Variants in DNAH14 observed in about 807,000 individuals in gnomAD.
DNAH14 encodes dynein axonemal heavy chain 14, also known as axonemal beta dynein heavy chain 14.
A neutral mutation model predicts 520.9 loss-of-function variants in DNAH14; 478 were observed. The ratio of observed to expected loss-of-function variants is 0.92; its 90% CI spans 0.85 to 0.99. The LOEUF (loss-of-function observed/expected upper bound fraction) is 0.99, where lower values mean the gene tolerates loss of function less well. Among genes scored for constraint, DNAH14 ranks in the 50% least tolerant of loss-of-function variants. The pLI is 0.00. For synonymous variants in DNAH14, 1,581 were observed against 1,757.2 expected (o/e 0.90, Z 2.51); for missense variants, 4,831 against 5,234.5 (o/e 0.92, Z 2.38).
At chr1:225,309,972 C>G in intron 60 of DNAH14, among the ~76,000 whole-genome samples, 2 of 151,530 alleles carry the variant, frequency 1.3e-5, no homozygotes, top group African/African-American at 2.4e-5. Context: ...CACATGTATA[C>G]ATATGTAACT....
intron 37 of DNAH14, among the ~76,000 whole-genome samples, chr1:225,185,794 A>G (rs2084630448): frequency 6.6e-6 from 1 of 151,598 alleles, no homozygotes; most frequent in Non-Finnish European, 1.5e-5. Flanking sequence ...ATTAATTTCC[A>G]AGTTAACATT....
chr1:225,294,609 T>TCAAAACCTTGAA (rs1332233401), intron 55 of DNAH14, among the ~76,000 whole-genome samples: 1 of 152,012 alleles, frequency 6.6e-6, no homozygotes, highest in Non-Finnish European at 1.5e-5. Flanking sequence ...TCACCTGAGG[T>TCAAAACCTTGAA]CAAAAGTTCA....
At chr1:225,007,615 TCC>T in intron 10 of DNAH14, 71 bp downstream of exon 10, 1 of 1,277,310 alleles carries the variant, frequency 7.8e-7, no homozygotes, top group Non-Finnish European at 1.0e-6. Flanking sequence ...CCAAATTGCA[TCC>T]CTGGAAAAAG....
intron 10 of DNAH14, among the ~76,000 whole-genome samples, chr1:225,016,444 G>A (rs1256242734): frequency 6.6e-6 from 1 of 152,076 alleles, no homozygotes; most frequent in African/African-American, 2.4e-5. Context: ...TCCCTTATAT[G>A]TGACTTGACA....
At chr1:225,015,890 T>C (rs555260021) in intron 10 of DNAH14, among the ~76,000 whole-genome samples, 1 of 151,924 alleles carries the variant, frequency 6.6e-6, no homozygotes, top group South Asian at 2.1e-4. Flanking sequence ...AACACCAGAG[T>C]GGGAAGCAAC....
At position 225,374,812 on chromosome 1, in the gene DNAH14, G is replaced by T; in HGVS notation, c.12443G>T (p.Cys4148Phe). ...GRVIDNWDKR[C>F]LKTLLYKFCN... is the part of the protein sequence containing the mutation. ...GTGATTGATAATTGGGACAAGCGATGCTTGAAGACCCTACTCTACAAATTT... is the reference window on the plus strand; with the variant it reads ...GTGATTGATAATTGGGACAAGCGATTCTTGAAGACCCTACTCTACAAATTT... Residue 4148 changes from cysteine to phenylalanine, a missense_variant, in exon 78 of 86, where the codon TGC (cysteine) becomes TTC (phenylalanine). Transcript: ENST00000682510. 6.4e-7 allele frequency: 1 copy of T among 1,551,626 alleles called. No individual in the cohort carries two copies. Among genetic ancestry groups the T allele is most frequent in the South Asian group, 1.2e-5 (1 of 84,048 alleles).
At chr1:225,002,558 C>G (rs2063844131) in intron 8 of DNAH14, among the ~76,000 whole-genome samples, 1 of 151,962 alleles carries the variant, frequency 6.6e-6, no homozygotes, top group Non-Finnish European at 1.5e-5. Flanking sequence ...CTTGTTTCCC[C>G]CTCCTATTTT....
intron 1 of DNAH14, among the ~76,000 whole-genome samples, chr1:224,942,963 C>G (rs1275161611): frequency 6.6e-6 from 1 of 152,038 alleles, no homozygotes; most frequent in Non-Finnish European, 1.5e-5. Context: ...GTCTGAAATT[C>G]TCTTTTTTTG....
At position 225,043,905 on chromosome 1, in the gene DNAH14, A is replaced by C; in HGVS notation, c.1834A>C (p.Asn612His). ...TGTTAGATTTCCAGAATTTCCTACA[A>C]ATCTCTTTATAGATCCCAACAGATT... is the stretch of plus-strand genomic sequence containing the variant. The part of the protein sequence containing the change: ...MYYEFPEFPT[N>H]LFIDPNRLEF... Residue 612 changes from asparagine to histidine, a missense_variant, in exon 15 of 86, where the codon AAT becomes CAT. Physicochemically the swap from Asn to His is moderately conservative, Grantham distance 68. Transcript: ENST00000682510. 6.5e-7 allele frequency: 1 copy of C among 1,528,134 alleles called. No homozygotes were observed. The highest frequency in any genetic ancestry group is 8.8e-7 in the Non-Finnish European group (1 of 1,130,320). The allele number at this position is 1,528,134 out of a possible 1,614,324, so 94.7% of individuals were successfully genotyped here.
intron 21 of DNAH14, among the ~76,000 whole-genome samples, chr1:225,096,692 A>G (rs1259070567): frequency 1.3e-5 from 2 of 152,210 alleles, no homozygotes; most frequent in African/African-American, 4.8e-5. Flanking sequence ...TTGTATTTAT[A>G]TTTATGTAAT....
rs554676809 is a variant in DNAH14, at chr1:225,185,142, C to T, written c.5536-149C>T. On this transcript the variant is annotated intron_variant, in intron 36 of 85. Transcript: ENST00000682510. ...AAAAAATCAGTAGCATTTCTATACA[C>T]CAATAACATTCATGCTGAGAGCCAA... 62 of 815,418 alleles carry T rather than the reference C, an allele frequency of 7.6e-5. No individual in the cohort carries two copies. The African/African-American group carries it at 1.0e-3, about 14-fold the overall frequency. The allele number at this position is 815,418 out of a possible 1,614,324, so 50.5% of individuals were successfully genotyped here.
rs114454650 is a variant in DNAH14, at chr1:225,040,778, T to C, written c.1488+1955T>C. On this transcript the variant is annotated intron_variant, in intron 12 of 85. Transcript: ENST00000682510. Reference sequence around the variant, plus strand: ...AAAGCATATGTTATTTTCAACTGTATTGAGTAATATAAAATTGTTTTTCTA... The same window carrying C: ...AAAGCATATGTTATTTTCAACTGTACTGAGTAATATAAAATTGTTTTTCTA... Among the ~76,000 whole-genome samples, 688 of 152,386 alleles carry C rather than the reference T, an allele frequency of 4.5e-3. 4 individuals are homozygous for C. Among genetic ancestry groups the C allele is most frequent in the Non-Finnish European group, 8.0e-3 (545 of 68,042 alleles).
At chr1:225,151,057 C>T (rs943207961) in intron 31 of DNAH14, among the ~76,000 whole-genome samples, 3 of 152,080 alleles carry the variant, frequency 2.0e-5, no homozygotes, top group Non-Finnish European at 2.9e-5. Context: ...CTGAAGAGCC[C>T]TCTTGTCTTA....
chr1:224,971,135 A>T (rs2061480431), intron 7 of DNAH14, among the ~76,000 whole-genome samples: 1 of 152,216 alleles, frequency 6.6e-6, no homozygotes, highest in South Asian at 2.1e-4. Flanking sequence ...ACATTACATT[A>T]TATCACATCA....
At position 225,379,199 on chromosome 1, in the gene DNAH14, C is replaced by A. The variant is rs563308014; in HGVS notation, c.12717-960C>A. ...GAGGCAAGCAGTGGAATGTTCCATG[C>A]GGCTGCTTCAGCGTGCTCTGTTTAG... On this transcript the variant is annotated intron_variant, in intron 79 of 85. Transcript: ENST00000682510. 2.0e-4 allele frequency among the ~76,000 whole-genome samples: 30 copies of A among 152,322 alleles called. 1 individual carries two copies. The highest frequency in any genetic ancestry group is 1.9e-3 in the Admixed American group (29 of 15,308).
At position 225,381,415 on chromosome 1, in the gene DNAH14, A is replaced by G; in HGVS notation, c.12913A>G (p.Thr4305Ala). ...HDPLIHCVLL[T>A]FLKQEIKRFD... ...CCCCCTTATCCATTGTGTCTTGCTAACCTTTTTGAAGCAAGAAATTAAACG... is the reference window on the plus strand; with the variant it reads ...CCCCCTTATCCATTGTGTCTTGCTAGCCTTTTTGAAGCAAGAAATTAAACG... Residue 4305 changes from threonine (T) to alanine (A), a missense_variant, in exon 81 of 86, where the codon ACC becomes GCC. Coordinates refer to ENST00000682510, the MANE Select transcript of DNAH14 (RefSeq NM_001367479.1). 1.9e-6 allele frequency: 3 copies of G among 1,550,052 alleles called. No individual in the cohort carries two copies.
At position 225,038,679 on chromosome 1, in the gene DNAH14, C is replaced by T; in HGVS notation, c.1359-15C>T. 1 of 1,511,650 alleles carries T rather than the reference C, an allele frequency of 6.6e-7. No individual in the cohort carries two copies. The allele number at this position is 1,511,650 out of a possible 1,614,324, so 93.6% of individuals were successfully genotyped here. On this transcript the variant is annotated splice_polypyrimidine_tract_variant and intron_variant, in intron 11 of 85. Transcript: ENST00000682510. Reference sequence around the variant, plus strand: ...GATTTTTAAATGATTTTTTTCTTCCCATTTCTTAATCCAGAACATTCAAGG... The same window carrying T: ...GATTTTTAAATGATTTTTTTCTTCCTATTTCTTAATCCAGAACATTCAAGG...
chr1:225,291,327 G>A (rs1455354668), intron 55 of DNAH14, among the ~76,000 whole-genome samples: 1 of 152,010 alleles, frequency 6.6e-6, no homozygotes, highest in Non-Finnish European at 1.5e-5. Flanking sequence ...TAAACATGAG[G>A]GTGCAGATGT....
chr1:225,337,398 A>G lies in DNAH14; in HGVS notation c.10213A>G (p.Met3405Val), dbSNP rs766027976. The change falls in exon 67 of 86, where the codon ATG (methionine) becomes GTG (valine). Residue 3405 changes from methionine to valine, a missense_variant. By Grantham distance (21) the Met-to-Val change is conservative. Transcript: ENST00000682510. Reference protein sequence around the residue: ...HRQAHKWIRQMEGSRLQKLSI... With the variant: ...HRQAHKWIRQVEGSRLQKLSI... ...GCAAGCTCACAAATGGATCCGTCAG[A>G]TGGAAGGATCCAGGCTGCAGAAGCT... is the stretch of plus-strand genomic sequence containing the variant. 6.4e-7 allele frequency: 1 copy of G among 1,551,696 alleles called. No individual in the cohort carries two copies. Among genetic ancestry groups the G allele is most frequent in the Non-Finnish European group, 8.7e-7 (1 of 1,146,972 alleles).
Sources: allele counts gnomAD v4.1 joint callset (sites outside exome capture counted in the v4.1 genomes callset), GRCh38; gene constraint gnomAD v4.1.1; transcripts MANE v1.5; gene names NCBI Gene and HGNC (gene_info 2026-07-23, HGNC 2026-07-21).